NINL: variants seen among roughly 807,000 people sequenced by gnomAD.
NINL encodes ninein like.
A neutral mutation model predicts 160.3 loss-of-function variants in NINL; 153 were observed. The observed-to-expected ratio is 0.95, with a 90% CI of 0.84 to 1.09. The LOEUF is 1.09. Among genes scored for constraint, NINL ranks in the 50% least tolerant of loss-of-function variants. NINL has a pLI of 0.00. For missense variants in NINL, 1,829 were observed against 1,764.0 expected (o/e 1.04, Z -0.66); for synonymous variants, 800 against 734.8 (o/e 1.09, Z -1.43).
At chr20:25,486,506 C>A (rs1024766656) in intron 13 of NINL, among the ~76,000 whole-genome samples, 1 of 152,168 alleles carries the variant, frequency 6.6e-6, no homozygotes, top group Non-Finnish European at 1.5e-5. Context: ...AGCCAGCAGC[C>A]CACATGCAGC....
At chr20:25,518,132 T>A (rs2064194058) in intron 2 of NINL, among the ~76,000 whole-genome samples, 1 of 152,202 alleles carries the variant, frequency 6.6e-6, no homozygotes, top group South Asian at 2.1e-4. Flanking sequence ...CACGAAACGT[T>A]ACACATAAGG....
At chr20:25,489,156 A>G (rs1965992717) in intron 13 of NINL, 88 bp downstream of exon 13, 2 of 1,229,706 alleles carry the variant, frequency 1.6e-6, no homozygotes, top group African/African-American at 3.0e-5. Flanking sequence ...TCCCTGGAGC[A>G]GACACTCCTG....
chr20:25,476,084 G>T lies in NINL; in HGVS notation c.3207C>A (p.Val1069=), dbSNP rs74548694. 1.2e-6 allele frequency: 2 copies of T among 1,613,990 alleles called. No individual in the cohort carries two copies. The highest frequency in any genetic ancestry group is 2.7e-5 in the African/African-American group (2 of 75,060). ...ETKLLHLEDV[V]RALEKHVDLR... is the part of the protein sequence containing the mutation. Reference sequence around the variant, plus strand: ...AATCTACATGTTTCTCCAGAGCCCGGACGACGTCTTCCAGATGTAGAAGTT... The same window carrying T: ...AATCTACATGTTTCTCCAGAGCCCGTACGACGTCTTCCAGATGTAGAAGTT... The change falls in exon 17 of 24, where the codon GTC becomes GTA. Residue 1069 remains valine (V), a synonymous_variant. Coordinates refer to ENST00000278886, the MANE Select transcript of NINL (RefSeq NM_025176.6).
Position 25,526,597 on chromosome 20 carries a change from G to A in NINL, c.-10C>T, listed in dbSNP as rs1324885874. On this transcript the variant is annotated splice_region_variant and 5_prime_UTR_variant, in exon 2 of 24. Transcript: ENST00000278886. Reference sequence around the variant, plus strand: ...TCTCTTCTTCATCCATCCCATAGCAGGCTGGCAGTGTGCAAGGGAAGAAGA... The same window carrying A: ...TCTCTTCTTCATCCATCCCATAGCAAGCTGGCAGTGTGCAAGGGAAGAAGA... The A allele has an allele frequency of 6.2e-7, 1 of 1,611,194 alleles. No homozygotes were observed. Among genetic ancestry groups the A allele is most frequent in the East Asian group, 2.2e-5 (1 of 44,788 alleles).
Position 25,505,043 on chromosome 20 carries a change from T to C in NINL, c.553A>G (p.Ser185Gly). 6.2e-7 allele frequency: 1 copy of C among 1,606,244 alleles called. No individual in the cohort carries two copies. The highest frequency in any genetic ancestry group is 2.2e-5 in the East Asian group (1 of 44,744). The change falls in exon 6 of 24, where the codon AGC becomes GGC. Residue 185 changes from serine (S) to glycine (G), a missense_variant. By Grantham distance (56) the Ser-to-Gly change is moderately conservative (BLOSUM62 0). Transcript: ENST00000278886. ...LQTWDSEDFG[S>G]PQKSCSPSFD... is the part of the protein sequence containing the mutation. Reference sequence around the variant, plus strand: ...GAGGGGCTGCAGGACTTCTGGGGGCTCCCAAAGTCCTCAGAATCCCAGGTC... The same window carrying C: ...GAGGGGCTGCAGGACTTCTGGGGGCCCCCAAAGTCCTCAGAATCCCAGGTC...
chr20:25,532,195 G>A (rs1325978838), intron 1 of NINL, among the ~76,000 whole-genome samples: 1 of 152,232 alleles, frequency 6.6e-6, no homozygotes, highest in Non-Finnish European at 1.5e-5. Flanking sequence ...ACTCACAGCA[G>A]CTGGGCCTAC....
chr20:25,484,169 A>C (rs536238567), intron 13 of NINL, among the ~76,000 whole-genome samples: 10 of 152,364 alleles, frequency 6.6e-5, no homozygotes, highest in Admixed American at 1.3e-4. Context: ...CTAAAATAAA[A>C]GTTGAAAGAA....
At position 25,458,515 on chromosome 20, in the gene NINL, G is replaced by A; in HGVS notation, c.3711C>T (p.His1237=). ...EESQDQVQGA[H]LRLRQAQAQH... ...GGGCCTGGGCCTGCCTCAGCCTCAG[G>A]TGAGCTCCCTGCACCTGCATGGGGA... The change falls in exon 22 of 24, where the codon CAC becomes CAT. Residue 1237 remains histidine (H), a synonymous_variant. Transcript: ENST00000278886. 1 of 1,598,040 alleles carries A rather than the reference G, an allele frequency of 6.3e-7. No homozygotes were observed. Among genetic ancestry groups the A allele is most frequent in the Non-Finnish European group, 8.5e-7 (1 of 1,178,496 alleles).
chr20:25,572,947 T>G (rs749270178), intron 1 of NINL, among the ~76,000 whole-genome samples: 2 of 152,300 alleles, frequency 1.3e-5, no homozygotes, highest in Non-Finnish European at 2.9e-5. Context: ...ACTGAGACAC[T>G]TTCTCTTCCC....
intron 1 of NINL, among the ~76,000 whole-genome samples, chr20:25,574,070 C>T (rs2065086729): frequency 2.6e-5 from 4 of 152,222 alleles, no homozygotes; most frequent in Admixed American, 6.5e-5. Context: ...CTGCCCTTCA[C>T]TGACGTCTGC....
chr20:25,493,496 G>A (rs1055973397), intron 10 of NINL, among the ~76,000 whole-genome samples: 1 of 152,156 alleles, frequency 6.6e-6, no homozygotes, highest in African/African-American at 2.4e-5. Context: ...GGAGCTCCCC[G>A]TGGGTCTCCC....
chr20:25,542,531 A>G (rs2064679443), intron 1 of NINL, among the ~76,000 whole-genome samples: 1 of 138,064 alleles, frequency 7.2e-6, no homozygotes, highest in Non-Finnish European at 1.6e-5. Context: ...AGAAACCCAA[A>G]AAGAATATTC....
chr20:25,524,442 C>T (rs1255112135), intron 2 of NINL, among the ~76,000 whole-genome samples: 2 of 152,188 alleles, frequency 1.3e-5, no homozygotes, highest in East Asian at 3.8e-4. Context: ...AGGACGATGG[C>T]TGGACACGCA....
chr20:25,579,185 G>A (rs1470297355), intron 1 of NINL, among the ~76,000 whole-genome samples: 4 of 152,094 alleles, frequency 2.6e-5, no homozygotes, highest in East Asian at 1.9e-4. Flanking sequence ...AGGCACAGCA[G>A]GGGACATGGA....
At chr20:25,501,186 C>T (rs573848464) in intron 7 of NINL, among the ~76,000 whole-genome samples, 176 bp from the exon 8 acceptor site, 1 of 152,364 alleles carries the variant, frequency 6.6e-6, no homozygotes, top group African/African-American at 2.4e-5. Flanking sequence ...ATGACCTCTC[C>T]AAGGTCACAT....
chr20:25,551,168 TAC>T (rs1030124566), intron 1 of NINL, among the ~76,000 whole-genome samples: 7 of 141,706 alleles, frequency 4.9e-5, no homozygotes, highest in Non-Finnish European at 1.1e-4. Context: ...CTTGAGTCAA[TAC>T]AGCACATGTT....
In NINL at chr20:25,512,952, C is replaced by T. The variant is rs754853839; in HGVS notation, c.332G>A (p.Arg111His). 1.4e-5 allele frequency: 23 copies of T among 1,614,032 alleles called. No individual in the cohort carries two copies. The highest frequency in any genetic ancestry group is 1.1e-4 in the East Asian group (5 of 44,880). Residue 111 changes from arginine (R) to histidine (H), a missense_variant, in exon 4 of 24, where the codon CGT becomes CAT. Physicochemically the swap from Arg to His is conservative, Grantham distance 29 (BLOSUM62 0). Transcript: ENST00000278886. ...KYVNGSKWYGRRSRPELCDAA... is the reference protein window; with the variant it reads ...KYVNGSKWYGHRSRPELCDAA... Reference sequence around the variant, plus strand: ...GTCACATAGCTCAGGCCGGCTCCGACGGCCATACCACTTAGAACCATTCAC... The same window carrying T: ...GTCACATAGCTCAGGCCGGCTCCGATGGCCATACCACTTAGAACCATTCAC...
At chr20:25,484,218 T>C (rs1447731749) in intron 13 of NINL, among the ~76,000 whole-genome samples, 1 of 152,112 alleles carries the variant, frequency 6.6e-6, no homozygotes. Context: ...TGTTACAAAA[T>C]ACAAAGAAAC....
intron 1 of NINL, among the ~76,000 whole-genome samples, chr20:25,578,793 CAAAAAA>C (rs11344577): frequency 1.3e-5 from 1 of 74,106 alleles, no homozygotes; most frequent in Non-Finnish European, 2.8e-5. Context: ...ACTCCATCTC[CAAAAAA>C]AAAAAAAAAA....
Sources: allele counts gnomAD v4.1 joint callset (sites outside exome capture counted in the v4.1 genomes callset), GRCh38; gene constraint gnomAD v4.1.1; transcripts MANE v1.5; gene names NCBI Gene and HGNC (gene_info 2026-07-23, HGNC 2026-07-21).